PTPN12: variants seen among roughly 807,000 people sequenced by gnomAD.
PTPN12 encodes the protein tyrosine-protein phosphatase non-receptor type 12.
Under a neutral mutation model 97.6 loss-of-function variants are expected in PTPN12, and 29 were observed. That is an observed-to-expected ratio of 0.30 (90% CI 0.22 to 0.41). The LOEUF (loss-of-function observed/expected upper bound fraction) is 0.41. Among genes scored for constraint, PTPN12 ranks in the 10% least tolerant of loss-of-function variants. The probability of loss-of-function intolerance (pLI) is 1.00; values close to 1 mark genes in which losing one functional copy is unlikely to be tolerated. For missense variants in PTPN12, 819 were observed against 926.0 expected (o/e 0.88, Z 1.50); for synonymous variants, 327 against 300.4 (o/e 1.09, Z -0.91).
Position 77,626,906 on chromosome 7 carries a change from T to C in PTPN12, c.1227T>C (p.Tyr409=), listed in dbSNP as rs751650841. The change falls in exon 13 of 18, where the codon TAT becomes TAC. Residue 409 remains tyrosine, a synonymous_variant. Transcript: ENST00000248594. The part of the protein sequence containing the change: ...EQHSADLNRN[Y]SKSTELPGKN... ...ATTCAGCAGACCTCAACAGAAACTA[T>C]AGTAAATCAACAGAACTTCCAGGGA... is the stretch of plus-strand genomic sequence containing the variant. 18 of 1,610,172 alleles carry C rather than the reference T, an allele frequency of 1.1e-5. No individual in the cohort carries two copies. Among genetic ancestry groups the C allele is most frequent in the Admixed American group, 1.7e-5 (1 of 59,028 alleles).
At chr7:77,639,103 A>G in intron 17 of PTPN12, 116 bp from the exon 18 acceptor site, 1 of 849,446 alleles carries the variant, frequency 1.2e-6, no homozygotes, top group Non-Finnish European at 1.7e-6. Flanking sequence ...TTAAATTCTA[A>G]ATTCCCTTGT....
At position 77,583,563 on chromosome 7, in the gene PTPN12, T is replaced by C. The variant is rs1787591057; in HGVS notation, c.294T>C (p.Tyr98=). The part of the protein sequence containing the change: ...YINANFIKGV[Y]GPKAYVATQG... ...CTTTTAACCATTTTTAGGGCGTCTA[T>C]GGGCCAAAAGCATATGTAGCAACTC... The change falls in exon 4 of 18, where the codon TAT becomes TAC. Residue 98 remains tyrosine, a synonymous_variant. Coordinates refer to ENST00000248594, the MANE Select transcript of PTPN12 (RefSeq NM_002835.4). 4 of 1,602,748 alleles carry C rather than the reference T, an allele frequency of 2.5e-6. No homozygotes were observed. The highest frequency in any genetic ancestry group is 3.4e-6 in the Non-Finnish European group (4 of 1,176,062).
chr7:77,545,603 A>AATAT (rs986155673), intron 1 of PTPN12: 10 of 150,810 alleles, frequency 6.6e-5, no homozygotes, highest in Non-Finnish European at 8.9e-5. Flanking sequence ...TCCAATTTTA[A>AATAT]ATATATATAT....
At chr7:77,591,011 C>A (rs1304481783) in intron 5 of PTPN12, among the ~76,000 whole-genome samples, 1 of 152,082 alleles carries the variant, frequency 6.6e-6, no homozygotes, top group Non-Finnish European at 1.5e-5. Flanking sequence ...CACACTCCAG[C>A]CTGGGTGACA....
intron 3 of PTPN12, 85 bp from the exon 4 acceptor site, chr7:77,583,470 A>G (rs1787587197): frequency 2.4e-6 from 2 of 843,338 alleles, no homozygotes; most frequent in Non-Finnish European, 3.8e-6. Context: ...AATATTACTA[A>G]TACAATTTGA....
chr7:77,602,022 A>G (rs866539720), intron 8 of PTPN12, among the ~76,000 whole-genome samples: 39 of 152,338 alleles, frequency 2.6e-4, no homozygotes, highest in Non-Finnish European at 2.4e-4. Flanking sequence ...TAAATTGCAC[A>G]ATATAAATCT....
chr7:77,576,123 G>A (rs527488216), intron 2 of PTPN12, among the ~76,000 whole-genome samples: 1 of 152,236 alleles, frequency 6.6e-6, no homozygotes, highest in South Asian at 2.1e-4. Flanking sequence ...CAAAGTGCTG[G>A]GATTACAGGC....
intron 5 of PTPN12, among the ~76,000 whole-genome samples, chr7:77,590,061 A>G (rs1787816588): frequency 6.6e-6 from 1 of 152,206 alleles, no homozygotes; most frequent in Non-Finnish European, 1.5e-5. Flanking sequence ...AGCATAGATA[A>G]TTAAATCAGA....
intron 2 of PTPN12, among the ~76,000 whole-genome samples, chr7:77,581,035 GT>G (rs780247879): frequency 7.1e-6 from 1 of 141,092 alleles, no homozygotes; most frequent in African/African-American, 2.6e-5. Flanking sequence ...TGGTGGTGGT[GT>G]TTTTTTGTTT....
intron 4 of PTPN12, 62 bp from the exon 5 acceptor site, chr7:77,585,480 TA>T: frequency 6.9e-7 from 1 of 1,441,946 alleles, no homozygotes; most frequent in East Asian, 2.3e-5. Context: ...TGTATTTTAT[TA>T]AAAAGTAAAA....
chr7:77,631,541 A>AT (rs1338842511), intron 13 of PTPN12, among the ~76,000 whole-genome samples: 2 of 152,054 alleles, frequency 1.3e-5, no homozygotes, highest in Non-Finnish European at 2.9e-5. Context: ...GTATTCTTAT[A>AT]TTTTCTTTCT....
chr7:77,616,730 G>A (rs1049899854), intron 11 of PTPN12, among the ~76,000 whole-genome samples: 4 of 152,144 alleles, frequency 2.6e-5, no homozygotes, highest in African/African-American at 7.2e-5. Context: ...ACAGAATTAT[G>A]GTTATATCAT....
chr7:77,606,487 C>T (rs1343105709), intron 8 of PTPN12, among the ~76,000 whole-genome samples: 1 of 152,136 alleles, frequency 6.6e-6, no homozygotes, highest in Non-Finnish European at 1.5e-5. Flanking sequence ...GCCTCGACCT[C>T]CCAGGCTCAA....
chr7:77,610,713 A>C, intron 9 of PTPN12, 52 bp from the exon 10 acceptor site: 1 of 1,508,276 alleles, frequency 6.6e-7, no homozygotes, highest in Non-Finnish European at 9.0e-7. Context: ...AGAAGATTTT[A>C]CTATTTTCTG....
intron 1 of PTPN12, among the ~76,000 whole-genome samples, chr7:77,544,954 C>T (rs901891217): frequency 6.6e-6 from 1 of 152,084 alleles, no homozygotes; most frequent in Non-Finnish European, 1.5e-5. Flanking sequence ...TCACATAACT[C>T]GTTGTATTTT....
At chr7:77,580,950 T>C (rs1240999218) in intron 2 of PTPN12, among the ~76,000 whole-genome samples, 2 of 152,226 alleles carry the variant, frequency 1.3e-5, no homozygotes, top group Admixed American at 6.5e-5. Context: ...TCAGAGATAA[T>C]GTCCTGGAAT....
chr7:77,618,822 T>C (rs1788839921), intron 12 of PTPN12, among the ~76,000 whole-genome samples: 1 of 152,350 alleles, frequency 6.6e-6, no homozygotes, highest in East Asian at 1.9e-4. Context: ...TGTTTTGATA[T>C]GTGATATAAC....
chr7:77,606,975 CTTG>C (rs768692190), intron 8 of PTPN12: 125 of 246,760 alleles, frequency 5.1e-4, no homozygotes, highest in Non-Finnish European at 8.6e-4. Context: ...TTGTTAATCT[CTTG>C]TTGTGCCTGA....
chr7:77,555,382 TTCTC>T (rs796964362), intron 1 of PTPN12, among the ~76,000 whole-genome samples: 26 of 152,296 alleles, frequency 1.7e-4, no homozygotes, highest in African/African-American at 5.8e-4. Context: ...TGTTCCCTTC[TTCTC>T]TTTCTGTTAT....
Sources: gnomAD v4.1 joint callset for allele counts (sites outside exome capture counted in the v4.1 genomes callset) on GRCh38, gnomAD v4.1.1 for gene constraint, MANE v1.5 for transcripts, NCBI Gene and HGNC (gene_info 2026-07-23, HGNC 2026-07-21) for gene names.